BBLN: variants seen among roughly 807,000 people sequenced by gnomAD.
BBLN encodes the protein bublin coiled-coil protein.
In BBLN, 6 loss-of-function variants were observed where a neutral mutation model predicts 7.6. The observed-to-expected ratio is 0.79, with a 90% CI of 0.43 to 1.55. The LOEUF (loss-of-function observed/expected upper bound fraction) is 1.55. BBLN is among the 40% of genes most tolerant of loss of function. The pLI is 0.01. For synonymous variants in BBLN, 35 were observed against 46.7 expected (o/e 0.75, Z 1.02); for missense variants, 100 against 111.1 (o/e 0.90, Z 0.45).
At chr9:128,160,706 G>C (rs1162275280) in intron 1 of BBLN, among the ~76,000 whole-genome samples, 1 of 152,262 alleles carries the variant, frequency 6.6e-6, no homozygotes, top group Non-Finnish European at 1.5e-5. Flanking sequence ...TACAGATGGG[G>C]AAACTAAGGC....
chr9:128,163,886 C>A lies in BBLN; in HGVS notation c.*271C>A, dbSNP rs988974523. ...CAACTCCTGGGCGCTCCCCACTCTGCCCAGGCCTTGAGTGTCCACATTAAA... is the reference window on the plus strand; with the variant it reads ...CAACTCCTGGGCGCTCCCCACTCTGACCAGGCCTTGAGTGTCCACATTAAA... On this transcript the variant is annotated 3_prime_UTR_variant, in exon 2 of 2. Transcript: ENST00000372994. The surrounding 1 kb of genome is among the most constrained non-coding windows in gnomAD (Gnocchi z 5.7). 4.4e-6 allele frequency: 2 copies of A among 451,830 alleles called. No individual in the cohort carries two copies. Among genetic ancestry groups the A allele is most frequent in the Non-Finnish European group, 7.9e-6 (2 of 253,130 alleles). 28.0% of individuals were successfully genotyped at this position (451,830 alleles called of 1,614,324 possible).
In BBLN at chr9:128,163,390, A is replaced by G; in HGVS notation, c.80-53A>G. On this transcript the variant is annotated intron_variant, in intron 1 of 1. Coordinates refer to ENST00000372994, the MANE Select transcript of BBLN (RefSeq NM_024112.4). This position sits in a 1 kb window ranked among gnomAD's most constrained non-coding sequence, Gnocchi z 5.7. ...GGGAAACAGTGGAGGGAGGGTGTCC[A>G]TTAGCCCCAAGGAGACACAGGATCT... 2 of 1,461,520 alleles carry G rather than the reference A, an allele frequency of 1.4e-6. No individual in the cohort carries two copies. Among genetic ancestry groups the G allele is most frequent in the South Asian group, 1.4e-5 (1 of 70,204 alleles). 90.5% of individuals were successfully genotyped at this position (1,461,520 alleles called of 1,614,324 possible).
At chr9:128,161,766 G>A (rs902324631) in intron 1 of BBLN, among the ~76,000 whole-genome samples, 4 of 151,564 alleles carry the variant, frequency 2.6e-5, no homozygotes, top group Non-Finnish European at 4.4e-5. Context: ...TCAGCCTCCC[G>A]AGTAGCTGGG....
At position 128,160,288 on chromosome 9, in the gene BBLN, C is replaced by T. The variant is rs1187272344; in HGVS notation, c.-120C>T. 6.1e-6 allele frequency: 3 copies of T among 489,856 alleles called. No homozygotes were observed. Among genetic ancestry groups the T allele is most frequent in the African/African-American group, 2.0e-5 (1 of 50,206 alleles). The allele number at this position is 489,856 out of a possible 1,614,324, so 30.3% of individuals were successfully genotyped here. A position where few individuals can be genotyped will look rare whatever the true frequency, so the allele number is the denominator to read the frequency against. On this transcript the variant is annotated 5_prime_UTR_variant, in exon 1 of 2. Coordinates refer to ENST00000372994, the MANE Select transcript of BBLN (RefSeq NM_024112.4). ...GCCTCTGGGCGGAGATCTGCTGCCG[C>T]GTTCTACCCTTCCGGCCCGTGTTCT... is the stretch of plus-strand genomic sequence containing the variant.
Position 128,163,734 on chromosome 9 carries a change from G to A in BBLN, c.*119G>A. ...GCTGGCCTTCAGGGACCCCTGGTGG[G>A]TCTGCCTGCCTGGGCCACCCTTCCT... On this transcript the variant is annotated 3_prime_UTR_variant, in exon 2 of 2. Transcript: ENST00000372994. This position sits in a 1 kb window ranked among gnomAD's most constrained non-coding sequence, Gnocchi z 5.7. 1 of 915,850 alleles carries A rather than the reference G, an allele frequency of 1.1e-6. No homozygotes were observed. The highest frequency in any genetic ancestry group is 1.5e-6 in the Non-Finnish European group (1 of 652,290). 56.7% of individuals were successfully genotyped at this position (915,850 alleles called of 1,614,324 possible). A position where few individuals can be genotyped will look rare whatever the true frequency, so the allele number is the denominator to read the frequency against.
At position 128,163,819 on chromosome 9, in the gene BBLN, G is replaced by C; in HGVS notation, c.*204G>C. On this transcript the variant is annotated 3_prime_UTR_variant, in exon 2 of 2. Coordinates refer to ENST00000372994, the MANE Select transcript of BBLN (RefSeq NM_024112.4). This position sits in a 1 kb window ranked among gnomAD's most constrained non-coding sequence, Gnocchi z 5.7. The stretch of plus-strand genomic sequence containing the variant: ...CCCACCACCTGGCATGCCCTCCTGG[G>C]GCCAAGAGTGGGCCTGCAACCCACC... 3.9e-6 allele frequency: 2 copies of C among 514,490 alleles called. No individual in the cohort carries two copies. The highest frequency in any genetic ancestry group is 6.8e-6 in the Non-Finnish European group (2 of 294,270). 31.9% of individuals were successfully genotyped at this position (514,490 alleles called of 1,614,324 possible).
Position 128,160,379 on chromosome 9 carries a change from G to C in BBLN, c.-29G>C, listed in dbSNP as rs1183480746. 8.1e-7 allele frequency: 1 copy of C among 1,232,094 alleles called. No homozygotes were observed. The highest frequency in any genetic ancestry group is 1.0e-6 in the Non-Finnish European group (1 of 977,856). 76.3% of individuals were successfully genotyped at this position (1,232,094 alleles called of 1,614,324 possible). A position where few individuals can be genotyped will look rare whatever the true frequency, so the allele number is the denominator to read the frequency against. On this transcript the variant is annotated 5_prime_UTR_variant, in exon 1 of 2. Coordinates refer to ENST00000372994, the MANE Select transcript of BBLN (RefSeq NM_024112.4). Reference sequence around the variant, plus strand: ...GCGACGGTCGCCGCGTTCCATCGTCGCGCGGCCCTTCGGGCGCCCGAGCCC... The same window carrying C: ...GCGACGGTCGCCGCGTTCCATCGTCCCGCGGCCCTTCGGGCGCCCGAGCCC...
chr9:128,162,723 G>C (rs1829268153), intron 1 of BBLN: 1 of 153,322 alleles, frequency 6.5e-6, no homozygotes, highest in African/African-American at 2.4e-5. Context: ...ACAGCACTCA[G>C]ATAAGCACAG....
chr9:128,162,084 C>G (rs1010730613), intron 1 of BBLN: 1 of 152,202 alleles, frequency 6.6e-6, no homozygotes. Flanking sequence ...TCCTGAGTTT[C>G]GGCTGTTACC....
Position 128,163,762 on chromosome 9 carries a change from C to A in BBLN, c.*147C>A. On this transcript the variant is annotated 3_prime_UTR_variant, in exon 2 of 2. Coordinates refer to ENST00000372994, the MANE Select transcript of BBLN (RefSeq NM_024112.4). This position sits in a 1 kb window ranked among gnomAD's most constrained non-coding sequence, Gnocchi z 5.7. ...TGCCTGCCTGGGCCACCCTTCCTGC[C>A]TGGGCCTCCCCTTGGCCTACCTGGG... The A allele has an allele frequency of 1.5e-6, 1 of 688,620 alleles. No individual in the cohort carries two copies. Among genetic ancestry groups the A allele is most frequent in the Non-Finnish European group, 2.3e-6 (1 of 440,492 alleles). The allele number at this position is 688,620 out of a possible 1,614,324, so 42.7% of individuals were successfully genotyped here. A position where few individuals can be genotyped will look rare whatever the true frequency, so the allele number is the denominator to read the frequency against.
chr9:128,161,154 T>C (rs977924872), intron 1 of BBLN, among the ~76,000 whole-genome samples: 9 of 152,160 alleles, frequency 5.9e-5, no homozygotes, highest in African/African-American at 2.2e-4. Context: ...TCGTCATTAT[T>C]ATCTTTGGTA....
intron 1 of BBLN, 71 bp downstream of exon 1, chr9:128,160,557 G>T: frequency 9.8e-7 from 1 of 1,024,124 alleles, no homozygotes; most frequent in South Asian, 2.4e-5. Flanking sequence ...GAATCGAGAT[G>T]GGGTCTCGGA....
In BBLN at chr9:128,163,708, G is replaced by A; in HGVS notation, c.*93G>A. Reference sequence around the variant, plus strand: ...CCCCTGGCTTAGACACCTTCTCAAGGGCTGGCCTTCAGGGACCCCTGGTGG... The same window carrying A: ...CCCCTGGCTTAGACACCTTCTCAAGAGCTGGCCTTCAGGGACCCCTGGTGG... On this transcript the variant is annotated 3_prime_UTR_variant, in exon 2 of 2. Coordinates refer to ENST00000372994, the MANE Select transcript of BBLN (RefSeq NM_024112.4). The surrounding 1 kb of genome is among the most constrained non-coding windows in gnomAD (Gnocchi z 5.7). 1 of 1,153,054 alleles carries A rather than the reference G, an allele frequency of 8.7e-7. No homozygotes were observed. The highest frequency in any genetic ancestry group is 1.2e-6 in the Non-Finnish European group (1 of 859,368). 71.4% of individuals were successfully genotyped at this position (1,153,054 alleles called of 1,614,324 possible).
At chr9:128,160,848 C>CG (rs1212118316) in intron 1 of BBLN, among the ~76,000 whole-genome samples, 1 of 152,152 alleles carries the variant, frequency 6.6e-6, no homozygotes. Context: ...GTTGGGGACG[C>CG]GGGGGCGTCG....
At position 128,160,927 on chromosome 9, in the gene BBLN, G is replaced by A. The variant is rs181528690; in HGVS notation, c.79+441G>A. On this transcript the variant is annotated intron_variant, in intron 1 of 1. Coordinates refer to ENST00000372994, the MANE Select transcript of BBLN (RefSeq NM_024112.4). ...AGCCTCACAGCCTTGCCAAATGTCA[G>A]CAGCTTACAGAGCAGCCTTTTGCGT... Among the ~76,000 whole-genome samples the A allele has an allele frequency of 1.2e-4, 19 of 152,316 alleles. No individual in the cohort carries two copies. The East Asian group carries it at 3.3e-3, about 26-fold the overall frequency.
At position 128,163,392 on chromosome 9, in the gene BBLN, T is replaced by C. The variant is rs2130884004; in HGVS notation, c.80-51T>C. 2 of 1,462,262 alleles carry C rather than the reference T, an allele frequency of 1.4e-6. No individual in the cohort carries two copies. Among genetic ancestry groups the C allele is most frequent in the East Asian group, 5.0e-5 (2 of 39,816 alleles). The allele number at this position is 1,462,262 out of a possible 1,614,324, so 90.6% of individuals were successfully genotyped here. ...GAAACAGTGGAGGGAGGGTGTCCAT[T>C]AGCCCCAAGGAGACACAGGATCTGG... On this transcript the variant is annotated intron_variant, in intron 1 of 1. Transcript: ENST00000372994. This position sits in a 1 kb window ranked among gnomAD's most constrained non-coding sequence, Gnocchi z 5.7.
intron 1 of BBLN, among the ~76,000 whole-genome samples, chr9:128,161,046 C>A (rs1829249111): frequency 7.4e-6 from 1 of 135,210 alleles, no homozygotes; most frequent in South Asian, 2.4e-4. Context: ...ATAGGAATAA[C>A]GATTAGTGTC....
rs1829241085 is a variant in BBLN at position 128,160,362 on chromosome 9, C to A, written c.-46C>A. The A allele has an allele frequency of 8.6e-6, 10 of 1,156,846 alleles. No homozygotes were observed. Among genetic ancestry groups the A allele is most frequent in the South Asian group, 7.8e-5 (2 of 25,542 alleles). 71.7% of individuals were successfully genotyped at this position (1,156,846 alleles called of 1,614,324 possible). On this transcript the variant is annotated 5_prime_UTR_variant, in exon 1 of 2. Transcript: ENST00000372994. ...CGGCGCCGGCTTTCGGCGCGACGGT[C>A]GCCGCGTTCCATCGTCGCGCGGCCC...
In BBLN at chr9:128,163,624, A is replaced by T. The variant is rs1242837500; in HGVS notation, c.*9A>T. On this transcript the variant is annotated 3_prime_UTR_variant, in exon 2 of 2. Transcript: ENST00000372994. The surrounding 1 kb of genome is among the most constrained non-coding windows in gnomAD (Gnocchi z 5.7). ...GTGATGCCAGCCCCTAGGCTCCAAGAGCCCCCAACCGGGACCCAACCCTGC... is the reference window on the plus strand; with the variant it reads ...GTGATGCCAGCCCCTAGGCTCCAAGTGCCCCCAACCGGGACCCAACCCTGC... 8.0e-6 allele frequency: 12 copies of T among 1,497,102 alleles called. No individual in the cohort carries two copies. The highest frequency in any genetic ancestry group is 1.1e-5 in the Non-Finnish European group (12 of 1,119,300). 92.7% of individuals were successfully genotyped at this position (1,497,102 alleles called of 1,614,324 possible).
Sources: allele counts gnomAD v4.1 joint callset (sites outside exome capture counted in the v4.1 genomes callset), GRCh38; gene constraint gnomAD v4.1.1; non-coding constraint Gnocchi (gnomAD v3.1); transcripts MANE v1.5; gene names NCBI Gene and HGNC (gene_info 2026-07-23, HGNC 2026-07-21).